LRP1B: variants seen among roughly 807,000 people sequenced by gnomAD.
LRP1B encodes the protein low-density lipoprotein receptor-related protein 1B.
Under a neutral mutation model 556.6 loss-of-function variants are expected in LRP1B, and 217 were observed. The observed-to-expected ratio is 0.39, with a 90% confidence interval of 0.35 to 0.44. The LOEUF (loss-of-function observed/expected upper bound fraction) is 0.44, where lower values mean the gene tolerates loss of function less well. Among genes scored for constraint, LRP1B ranks in the 20% least tolerant of loss-of-function variants. The pLI, the probability that LRP1B is intolerant of heterozygous loss-of-function variation, is 1.00. For synonymous variants in LRP1B, 2,047 were observed against 1,865.8 expected, an observed-to-expected ratio of 1.10 and a Z score of -2.50; for missense variants, 5,053 against 5,620.8, an observed-to-expected ratio of 0.90 and a Z score of 3.23.
intron 1 of LRP1B, among the ~76,000 whole-genome samples, chr2:141,911,259 C>T (rs965405706): frequency 6.6e-6 from 1 of 152,162 alleles, no homozygotes; most frequent in African/African-American, 2.4e-5. Context: ...TTAATGCAAT[C>T]TCTCTTTAAC....
At chr2:140,416,199 C>T (rs992197376) in intron 66 of LRP1B, among the ~76,000 whole-genome samples, 1 of 152,130 alleles carries the variant, frequency 6.6e-6, no homozygotes, top group South Asian at 2.1e-4. Flanking sequence ...TGAACCCTAT[C>T]GTGAAATGCA....
intron 1 of LRP1B, among the ~76,000 whole-genome samples, chr2:142,113,882 C>T (rs1707093345): frequency 6.6e-6 from 1 of 152,120 alleles, no homozygotes; most frequent in South Asian, 2.1e-4. Context: ...AACTTCTATA[C>T]ACAGTCCTCC....
At chr2:140,748,130 T>TTC (rs1688387146) in intron 35 of LRP1B, among the ~76,000 whole-genome samples, 3 of 30,944 alleles carry the variant, frequency 9.7e-5, no homozygotes, top group South Asian at 1.7e-3. Context: ...TATATATATA[T>TTC]ATATATAATT....
At chr2:140,789,852 G>T (rs891597499) in intron 32 of LRP1B, among the ~76,000 whole-genome samples, 13 of 151,464 alleles carry the variant, frequency 8.6e-5, no homozygotes, top group East Asian at 2.0e-4. Context: ...GGATGGTCTC[G>T]ATCTCCTGAC....
intron 43 of LRP1B, among the ~76,000 whole-genome samples, chr2:140,590,376 A>G (rs1359006802): frequency 6.7e-6 from 1 of 150,204 alleles, no homozygotes; most frequent in Non-Finnish European, 1.5e-5. Context: ...CTTTTTTCCT[A>G]TAGAAAATGA....
intron 29 of LRP1B, among the ~76,000 whole-genome samples, chr2:140,841,312 A>G (rs1559150480): frequency 6.6e-6 from 1 of 152,198 alleles, no homozygotes; most frequent in East Asian, 1.9e-4. Flanking sequence ...TGAAGCAACA[A>G]TTAGCATTGA....
intron 4 of LRP1B, among the ~76,000 whole-genome samples, chr2:141,252,535 G>A (rs1322757705): frequency 6.6e-6 from 1 of 152,080 alleles, no homozygotes; most frequent in Non-Finnish European, 1.5e-5. Context: ...TGAAATTAAG[G>A]CTTGCATTTG....
At chr2:141,447,122 T>C (rs1186190611) in intron 3 of LRP1B, among the ~76,000 whole-genome samples, 1 of 152,030 alleles carries the variant, frequency 6.6e-6, no homozygotes, top group African/African-American at 2.4e-5. Flanking sequence ...TTTCATTCTT[T>C]TTTCTCTAAT....
intron 20 of LRP1B, among the ~76,000 whole-genome samples, chr2:140,940,271 T>C (rs1261219589): frequency 3.3e-5 from 5 of 152,158 alleles, no homozygotes; most frequent in Non-Finnish European, 7.4e-5. Flanking sequence ...ATTTTTTATA[T>C]GTTTATTTCA....
At chr2:141,500,417 T>C (rs1392663314) in intron 2 of LRP1B, among the ~76,000 whole-genome samples, 2 of 152,116 alleles carry the variant, frequency 1.3e-5, no homozygotes, top group African/African-American at 4.8e-5. Flanking sequence ...TTTGTCACTT[T>C]AATTTGCAGG....
chr2:141,751,016 T>TAAAA (rs1215567256), intron 2 of LRP1B, among the ~76,000 whole-genome samples: 3 of 151,976 alleles, frequency 2.0e-5, no homozygotes, highest in African/African-American at 7.2e-5. Flanking sequence ...CACCAGTTAT[T>TAAAA]AAAATTTTAA....
chr2:141,264,638 A>G (rs1237591552), intron 3 of LRP1B, among the ~76,000 whole-genome samples: 1 of 152,064 alleles, frequency 6.6e-6, no homozygotes, highest in Non-Finnish European at 1.5e-5. Flanking sequence ...TATTTTTAGT[A>G]GAGATGGGGT....
chr2:140,801,711 T>TAAATGA (rs1168020565), intron 32 of LRP1B, among the ~76,000 whole-genome samples: 9 of 152,128 alleles, frequency 5.9e-5, no homozygotes, highest in Non-Finnish European at 1.5e-5. Flanking sequence ...CAAGATTTAG[T>TAAATGA]AAATGAAAAT....
intron 1 of LRP1B, among the ~76,000 whole-genome samples, chr2:142,001,671 T>C (rs943423497): frequency 2.0e-5 from 3 of 152,206 alleles, no homozygotes; most frequent in Admixed American, 2.0e-4. Context: ...CTCCGTTTAT[T>C]AAATGTTGAT....
intron 43 of LRP1B, among the ~76,000 whole-genome samples, chr2:140,591,898 C>T (rs1682242736): frequency 6.6e-6 from 1 of 152,122 alleles, no homozygotes; most frequent in African/African-American, 2.4e-5. Flanking sequence ...ACAACATTTT[C>T]AAGAACTCAT....
intron 60 of LRP1B, among the ~76,000 whole-genome samples, chr2:140,471,909 C>G (rs1687785589): frequency 6.6e-6 from 1 of 152,170 alleles, no homozygotes; most frequent in Non-Finnish European, 1.5e-5. Context: ...TATTTCAAGA[C>G]TCTATTACAT....
intron 7 of LRP1B, among the ~76,000 whole-genome samples, chr2:141,151,174 G>T (rs1365496431): frequency 2.0e-5 from 3 of 152,054 alleles, no homozygotes; most frequent in Non-Finnish European, 4.4e-5. Flanking sequence ...CTATGTGGAG[G>T]ACCCGAAGAT....
chr2:141,648,232 C>T lies in LRP1B; in HGVS notation c.205+162047G>A, dbSNP rs116404231. On this transcript the variant is annotated intron_variant, in intron 2 of 90. Coordinates refer to ENST00000389484, the MANE Select transcript of LRP1B (RefSeq NM_018557.3). Reference sequence around the variant, plus strand: ...GATGCCTGAATTCTTGACTGAACTCCACCATTAATTAAGCTAACAACATTC... The same window carrying T: ...GATGCCTGAATTCTTGACTGAACTCTACCATTAATTAAGCTAACAACATTC... Among the ~76,000 whole-genome samples, 1,412 of 152,264 alleles carry T rather than the reference C, an allele frequency of 9.3e-3. 24 individuals are homozygous for T. The highest frequency in any genetic ancestry group is 0.033 in the African/African-American group (1,360 of 41,558).
chr2:140,642,544 T>C (rs1399217543), intron 41 of LRP1B, among the ~76,000 whole-genome samples: 1 of 151,818 alleles, frequency 6.6e-6, no homozygotes, highest in African/African-American at 2.4e-5. Context: ...ACACCTCACA[T>C]AGGAAGGGAC....
Sources: gnomAD v4.1 joint callset for allele counts (sites outside exome capture counted in the v4.1 genomes callset) on GRCh38, gnomAD v4.1.1 for gene constraint, MANE v1.5 for transcripts, NCBI Gene and HGNC (gene_info 2026-07-23, HGNC 2026-07-21) for gene names.